FBXO11: variants seen among roughly 807,000 people sequenced by gnomAD.
FBXO11 encodes F-box protein 11, also known as F-box only protein 11.
Under a neutral mutation model 117.0 loss-of-function variants are expected in FBXO11, and 13 were observed. The ratio of observed to expected loss-of-function variants is 0.11; its 90% CI spans 0.07 to 0.18. The LOEUF is 0.18. FBXO11 is among the 10% of genes least tolerant of loss of function. The pLI is 1.00. For missense variants in FBXO11, 767 were observed against 1,164.4 expected (o/e 0.66, Z 4.97); for synonymous variants, 490 against 380.5 (o/e 1.29, Z -3.35).
chr2:47,891,560 T>A (rs1338831522), intron 1 of FBXO11, among the ~76,000 whole-genome samples: 1 of 152,236 alleles, frequency 6.6e-6, no homozygotes, highest in African/African-American at 2.4e-5. Flanking sequence ...TTGGCTATTG[T>A]GAATAGTGCC....
chr2:47,836,630 C>A (rs1672580624), intron 4 of FBXO11, among the ~76,000 whole-genome samples: 1 of 150,232 alleles, frequency 6.7e-6, no homozygotes, highest in Non-Finnish European at 1.5e-5. Context: ...ATTAGTTTTC[C>A]TGCAAAAATT....
intron 1 of FBXO11, among the ~76,000 whole-genome samples, chr2:47,866,204 C>A (rs1049772148): frequency 6.7e-6 from 1 of 148,532 alleles, no homozygotes; most frequent in Admixed American, 6.7e-5. Context: ...TAGGATCTTG[C>A]CACTGCACTT....
At chr2:47,831,192 G>C (rs546796638) in intron 11 of FBXO11, among the ~76,000 whole-genome samples, 160 of 151,880 alleles carry the variant, frequency 1.1e-3, no homozygotes, top group African/African-American at 3.6e-3. Context: ...CGAGGCAGGT[G>C]AATCACTTGA....
chr2:47,852,366 C>A (rs1359972075), intron 1 of FBXO11, among the ~76,000 whole-genome samples: 1 of 152,150 alleles, frequency 6.6e-6, no homozygotes, highest in Non-Finnish European at 1.5e-5. Context: ...TCAGCATCAT[C>A]AGCTCTTTAC....
intron 1 of FBXO11, among the ~76,000 whole-genome samples, chr2:47,873,957 G>A (rs1350975884): frequency 5.3e-5 from 8 of 152,016 alleles, no homozygotes; most frequent in African/African-American, 1.9e-4. Flanking sequence ...GCTCGTCCCT[G>A]TAATCCCAGC....
At chr2:47,860,734 C>G (rs1674700077) in intron 1 of FBXO11, among the ~76,000 whole-genome samples, 1 of 149,416 alleles carries the variant, frequency 6.7e-6, no homozygotes. Flanking sequence ...TAAGGCTAAT[C>G]AAAACTTTTC....
chr2:47,829,940 TA>T (rs1265135742), intron 11 of FBXO11, among the ~76,000 whole-genome samples: 1 of 151,958 alleles, frequency 6.6e-6, no homozygotes, highest in Non-Finnish European at 1.5e-5. Context: ...AATATTTCAT[TA>T]AAAAAATGTA....
chr2:47,825,866 C>CGCGCCCAGCTG (rs1671716760), intron 11 of FBXO11, among the ~76,000 whole-genome samples: 1 of 151,990 alleles, frequency 6.6e-6, no homozygotes, highest in South Asian at 2.1e-4. Context: ...TGTGAGCCAC[C>CGCGCCCAGCTG]ATGCCGGGCC....
chr2:47,881,858 G>C (rs111709492), intron 1 of FBXO11, among the ~76,000 whole-genome samples: 5,176 of 151,828 alleles, frequency 0.034, 283 homozygotes, highest in African/African-American at 0.12. Flanking sequence ...AGTGATTCTC[G>C]TGCCTCAGCC....
chr2:47,808,527 C>A, intron 21 of FBXO11, 100 bp from the exon 22 acceptor site: 3 of 1,044,128 alleles, frequency 2.9e-6, no homozygotes, highest in South Asian at 1.9e-5. Flanking sequence ...TTTAAGAGGA[C>A]CAAAACAAAA....
chr2:47,857,438 A>G (rs1250068649), intron 1 of FBXO11, among the ~76,000 whole-genome samples: 1 of 152,180 alleles, frequency 6.6e-6, no homozygotes, highest in Non-Finnish European at 1.5e-5. Flanking sequence ...TTATGGTCTC[A>G]TACAGACATA....
intron 1 of FBXO11, among the ~76,000 whole-genome samples, chr2:47,899,434 A>C: frequency 6.6e-6 from 1 of 152,182 alleles, no homozygotes; most frequent in Non-Finnish European, 1.5e-5. Context: ...ATCATTTATT[A>C]AATATCTATC....
Position 47,878,051 on chromosome 2 carries a change from T to A in FBXO11, c.232+27438A>T, listed in dbSNP as rs146204879. ...ATCCAGTCCCTAAGTCATGGGCAGG[T>A]AGGCCCAGCTTTTACCCAGGAGGCT... is the stretch of plus-strand genomic sequence containing the variant. On this transcript the variant is annotated intron_variant, in intron 1 of 22. Transcript: ENST00000403359. Among the ~76,000 whole-genome samples the A allele has an allele frequency of 3.2e-4, 49 of 152,318 alleles. No homozygotes were observed. The East Asian group carries it at 9.3e-3, about 29-fold the overall frequency.
Position 47,836,110 on chromosome 2 carries a change from G to A in FBXO11, c.588-109C>T, listed in dbSNP as rs530028203. The A allele has an allele frequency of 1.3e-4, 87 of 673,002 alleles. No homozygotes were observed. In the East Asian group the frequency reaches 2.2e-3, roughly 17 times the overall value. The allele number at this position is 673,002 out of a possible 1,614,324, so 41.7% of individuals were successfully genotyped here. ...AGGCCTCAAAAACTTGAGTAAGAAA[G>A]TAAGAATAGACAAAAATGAATATTA... On this transcript the variant is annotated intron_variant, in intron 4 of 22. Coordinates refer to ENST00000403359, the MANE Select transcript of FBXO11 (RefSeq NM_001190274.2).
At chr2:47,901,105 G>GTA (rs779347380) in intron 1 of FBXO11, among the ~76,000 whole-genome samples, 5,115 of 110,778 alleles carry the variant, frequency 0.046, 268 homozygotes, top group Non-Finnish European at 0.076. Flanking sequence ...ACATATATAT[G>GTA]TATATATGTA....
chr2:47,841,995 A>G (rs2104881744), intron 1 of FBXO11, among the ~76,000 whole-genome samples: 1 of 151,322 alleles, frequency 6.6e-6, no homozygotes, highest in East Asian at 2.0e-4. Context: ...TTAGTGGGGA[A>G]GGAGGAGAAT....
At chr2:47,876,980 T>C (rs755092432) in intron 1 of FBXO11, among the ~76,000 whole-genome samples, 6 of 152,118 alleles carry the variant, frequency 3.9e-5, no homozygotes, top group Non-Finnish European at 8.8e-5. Flanking sequence ...ATTTTCCAAA[T>C]CACTGTTTCA....
intron 1 of FBXO11, among the ~76,000 whole-genome samples, chr2:47,843,490 GACAC>G (rs1673170159): frequency 6.6e-6 from 1 of 151,348 alleles, no homozygotes; most frequent in African/African-American, 2.4e-5. Context: ...ATATTATTTG[GACAC>G]ACAGATTCAA....
At chr2:47,892,996 T>C (rs1677375080) in intron 1 of FBXO11, among the ~76,000 whole-genome samples, 2 of 151,536 alleles carry the variant, frequency 1.3e-5, no homozygotes, top group Admixed American at 1.3e-4. Context: ...CTACTAAAAA[T>C]ACAAAAAAAT....
Sources: gnomAD v4.1 joint callset for allele counts (sites outside exome capture counted in the v4.1 genomes callset) on GRCh38, gnomAD v4.1.1 for gene constraint, MANE v1.5 for transcripts, NCBI Gene and HGNC (gene_info 2026-07-23, HGNC 2026-07-21) for gene names.